The following ANGPT1 variants were observed in gnomAD, a reference collection of about 807,000 sequenced individuals.
ANGPT1 encodes angiopoietin 1.
A neutral mutation model predicts 62.2 loss-of-function variants in ANGPT1; 17 were observed. The ratio of observed to expected loss-of-function variants is 0.27; its 90% confidence interval spans 0.19 to 0.41. The LOEUF is 0.41. Ranked by LOEUF, ANGPT1 falls within the 10% of genes least tolerant of loss-of-function variation. ANGPT1 has a pLI of 1.00. For missense variants in ANGPT1, 478 were observed against 594.9 expected, an observed-to-expected ratio of 0.80 and a Z score of 2.04; for synonymous variants, 199 against 198.9, an observed-to-expected ratio of 1.00 and a Z score of 0.00.
At chr8:107,273,478 CTT>C (rs766709553) in intron 7 of ANGPT1, among the ~76,000 whole-genome samples, 11 of 151,946 alleles carry the variant, frequency 7.2e-5, no homozygotes, top group Non-Finnish European at 1.5e-4. Context: ...AGTCGAAAAT[CTT>C]TGTCATGGAT....
chr8:107,482,386 A>T (rs528863035), intron 1 of ANGPT1, among the ~76,000 whole-genome samples: 1 of 152,294 alleles, frequency 6.6e-6, no homozygotes, highest in East Asian at 1.9e-4. Context: ...ATTTGCTCCC[A>T]TGTCTAGAGC....
intron 1 of ANGPT1, among the ~76,000 whole-genome samples, chr8:107,475,574 A>G (rs897546043): frequency 6.6e-6 from 1 of 152,244 alleles, no homozygotes; most frequent in African/African-American, 2.4e-5. Flanking sequence ...ACAAAAGCCA[A>G]AATTGACAAA....
At chr8:107,297,678 T>A (rs902631757) in intron 5 of ANGPT1, among the ~76,000 whole-genome samples, 12 of 150,346 alleles carry the variant, frequency 8.0e-5, no homozygotes, top group African/African-American at 2.7e-4. Flanking sequence ...AATTATGATT[T>A]CTAGGCTCTA....
chr8:107,268,705 T>A (rs1813671762), intron 7 of ANGPT1, among the ~76,000 whole-genome samples: 1 of 152,120 alleles, frequency 6.6e-6, no homozygotes, highest in African/African-American at 2.4e-5. Flanking sequence ...TAAAATTATT[T>A]TTTAAAAAAG....
chr8:107,371,640 A>G (rs1672194), intron 1 of ANGPT1, among the ~76,000 whole-genome samples: 108,497 of 144,820 alleles, frequency 0.75, 41,325 homozygotes, highest in East Asian at 0.87. Context: ...ACAGTGGCAC[A>G]ATCTTGGCTC....
At chr8:107,327,096 T>C (rs1815307564) in intron 3 of ANGPT1, among the ~76,000 whole-genome samples, 1 of 152,174 alleles carries the variant, frequency 6.6e-6, no homozygotes, top group South Asian at 2.1e-4. Flanking sequence ...AACCTGTTTA[T>C]CTTTCCCACG....
intron 1 of ANGPT1, among the ~76,000 whole-genome samples, chr8:107,375,055 G>T (rs1340857799): frequency 6.6e-6 from 1 of 152,076 alleles, no homozygotes; most frequent in African/African-American, 2.4e-5. Flanking sequence ...AGCTACTCAG[G>T]AAGCTGAGGC....
At chr8:107,459,526 AAC>A (rs1480793968) in intron 1 of ANGPT1, among the ~76,000 whole-genome samples, 101 of 147,650 alleles carry the variant, frequency 6.8e-4, no homozygotes, top group Admixed American at 1.4e-3. Context: ...CAACAACAAC[AAC>A]AAAACAAGTA....
chr8:107,311,546 A>T (rs1352096445), intron 4 of ANGPT1, among the ~76,000 whole-genome samples: 2 of 152,210 alleles, frequency 1.3e-5, no homozygotes, highest in Non-Finnish European at 2.9e-5. Flanking sequence ...AAGACATACA[A>T]ACTCTTACAT....
intron 1 of ANGPT1, among the ~76,000 whole-genome samples, chr8:107,431,734 CT>C (rs5893864): frequency 0.72 from 106,979 of 149,216 alleles, 38,425 homozygotes; most frequent in East Asian, 0.85. Context: ...ACTACTCTGT[CT>C]TTTTTTTTTT....
At chr8:107,372,851 G>GT (rs1004119912) in intron 1 of ANGPT1, among the ~76,000 whole-genome samples, 8 of 151,396 alleles carry the variant, frequency 5.3e-5, no homozygotes, top group African/African-American at 1.9e-4. Context: ...AGCAGAAGAC[G>GT]TGAGCGTGAC....
chr8:107,286,085 CTTG>C (rs912163582), intron 6 of ANGPT1, among the ~76,000 whole-genome samples: 53 of 152,186 alleles, frequency 3.5e-4, no homozygotes, highest in African/African-American at 1.2e-3. Context: ...AAGCACAATT[CTTG>C]TTGTAGACAG....
Position 107,397,886 on chromosome 8 carries a change from C to T in ANGPT1, c.298-50789G>A, listed in dbSNP as rs375916357. 2.6e-5 allele frequency among the ~76,000 whole-genome samples: 4 copies of T among 152,096 alleles called. No individual in the cohort carries two copies. The East Asian group carries it at 7.7e-4, about 29-fold the overall frequency. ...CTTCTGAGCAAAACCTCATCAAATG[C>T]CCTAAAAAACCTACTTGTTCATACA... On this transcript the variant is annotated intron_variant, in intron 1 of 8. Transcript: ENST00000517746.
At chr8:107,448,931 A>G (rs965885223) in intron 1 of ANGPT1, among the ~76,000 whole-genome samples, 1 of 152,072 alleles carries the variant, frequency 6.6e-6, no homozygotes, top group Non-Finnish European at 1.5e-5. Flanking sequence ...ATCAGCCTAT[A>G]AGTCTTCTTA....
At chr8:107,279,653 T>G (rs977127811) in intron 7 of ANGPT1, among the ~76,000 whole-genome samples, 1 of 151,930 alleles carries the variant, frequency 6.6e-6, no homozygotes, top group Non-Finnish European at 1.5e-5. Context: ...GCTTAGTCAG[T>G]AATTTGGCTA....
In ANGPT1 at chr8:107,396,859, T is replaced by C. The variant is rs888195191; in HGVS notation, c.298-49762A>G. Among the ~76,000 whole-genome samples, 10 of 151,984 alleles carry C rather than the reference T, an allele frequency of 6.6e-5. 1 individual carries two copies. The highest frequency in any genetic ancestry group is 1.5e-4 in the Non-Finnish European group (10 of 68,000). ...ACACTGACTAAAAACAGCCAATACT[T>C]ACAGTTTTATTTCCTACTATTTTAT... On this transcript the variant is annotated intron_variant, in intron 1 of 8. Transcript: ENST00000517746.
At chr8:107,449,701 T>C (rs917122885) in intron 1 of ANGPT1, among the ~76,000 whole-genome samples, 2 of 152,224 alleles carry the variant, frequency 1.3e-5, no homozygotes, top group Non-Finnish European at 2.9e-5. Context: ...TTCCTTGCAT[T>C]AGCACACACG....
intron 1 of ANGPT1, among the ~76,000 whole-genome samples, chr8:107,459,444 G>A (rs1360839047): frequency 8.6e-5 from 13 of 151,754 alleles, no homozygotes; most frequent in Admixed American, 2.0e-4. Context: ...AGCCAAGATC[G>A]TGCCACTGCA....
At chr8:107,260,535 T>C (rs1351283698) in intron 8 of ANGPT1, among the ~76,000 whole-genome samples, 1 of 152,130 alleles carries the variant, frequency 6.6e-6, no homozygotes, top group Non-Finnish European at 1.5e-5. Context: ...AGGGAAATTT[T>C]GACAGAGAAT....
Sources: allele counts gnomAD v4.1 joint callset (sites outside exome capture counted in the v4.1 genomes callset), GRCh38; gene constraint gnomAD v4.1.1; transcripts MANE v1.5; gene names NCBI Gene and HGNC (gene_info 2026-07-23, HGNC 2026-07-21).